COL5A1: variants seen among roughly 807,000 people sequenced by gnomAD.
COL5A1 encodes the protein collagen type V alpha 1 chain.
COL5A1 carries 16 observed loss-of-function variants against 263.7 expected under a neutral mutation model. The ratio of observed to expected loss-of-function variants is 0.06; its 90% CI spans 0.04 to 0.09. The LOEUF is 0.09. COL5A1 is among the 10% of genes least tolerant of loss of function. The pLI is 1.00. For missense variants in COL5A1, 2,036 were observed against 2,540.5 expected (o/e 0.80, Z 4.27); for synonymous variants, 1,012 against 1,004.5 (o/e 1.01, Z -0.14).
Position 134,758,059 on chromosome 9 carries a change from A to T in COL5A1, c.1882-184A>T, listed in dbSNP as rs1008688284. The stretch of plus-strand genomic sequence containing the variant: ...CCCATGTTCATGTTTGCAGGGGAAG[A>T]GGCTGAGATTGTAGATGCAAAGTGG... On this transcript the variant is annotated intron_variant, in intron 17 of 65. Coordinates refer to ENST00000371817, the MANE Select transcript of COL5A1 (RefSeq NM_000093.5). This position sits in a 1 kb window ranked among gnomAD's most constrained non-coding sequence, Gnocchi z 4.1. Among the ~76,000 whole-genome samples the T allele has an allele frequency of 1.3e-5, 2 of 152,274 alleles. No homozygotes were observed. The highest frequency in any genetic ancestry group is 6.8e-3 in the Middle Eastern group (2 of 294).
chr9:134,651,795 C>T (rs1458499364), intron 1 of COL5A1, among the ~76,000 whole-genome samples: 1 of 152,226 alleles, frequency 6.6e-6, no homozygotes, highest in Non-Finnish European at 1.5e-5. Context: ...CTCTGCCTTC[C>T]CACCACTGTG....
In COL5A1 at chr9:134,818,320, T is replaced by G. The variant is rs886691734; in HGVS notation, c.4231-336T>G. Among the ~76,000 whole-genome samples, 24 of 152,294 alleles carry G rather than the reference T, an allele frequency of 1.6e-4. No individual in the cohort carries two copies. The highest frequency in any genetic ancestry group is 6.8e-3 in the Middle Eastern group (2 of 294). On this transcript the variant is annotated intron_variant, in intron 54 of 65. Coordinates refer to ENST00000371817, the MANE Select transcript of COL5A1 (RefSeq NM_000093.5). This position sits in a 1 kb window ranked among gnomAD's most constrained non-coding sequence, Gnocchi z 6.0. ...TCAGTGAGGTGATGGCGGCCCGGCC[T>G]GGCACTGTCTGCCTCCCTCCTGGAG...
intron 18 of COL5A1, among the ~76,000 whole-genome samples, chr9:134,761,554 C>T (rs968545770): frequency 3.3e-5 from 5 of 152,244 alleles, no homozygotes; most frequent in African/African-American, 7.2e-5. Flanking sequence ...AGGCTGCAGG[C>T]AGGCGGGGCT....
intron 1 of COL5A1, among the ~76,000 whole-genome samples, chr9:134,673,374 T>G (rs957802685): frequency 6.6e-6 from 1 of 151,852 alleles, no homozygotes; most frequent in Non-Finnish European, 1.5e-5. Context: ...AATCTTTTGG[T>G]TTTCCATAAA....
chr9:134,764,262 C>T (rs370203277), intron 20 of COL5A1, among the ~76,000 whole-genome samples: 7 of 93,136 alleles, frequency 7.5e-5, no homozygotes, highest in South Asian at 3.9e-4. Flanking sequence ...ATAGGGGGTC[C>T]GAGGGCATTG....
In COL5A1 at chr9:134,818,977, G is replaced by C. The variant is rs945750775; in HGVS notation, c.4393-23G>C. ...CCAAAGCCCCAAGGATGAGGACTCTGATCCCCCTGCCTCCTCCCACAGGGT... is the reference window on the plus strand; with the variant it reads ...CCAAAGCCCCAAGGATGAGGACTCTCATCCCCCTGCCTCCTCCCACAGGGT... On this transcript the variant is annotated intron_variant, in intron 56 of 65. Transcript: ENST00000371817. This position sits in a 1 kb window ranked among gnomAD's most constrained non-coding sequence, Gnocchi z 6.0. 3 of 1,613,278 alleles carry C rather than the reference G, an allele frequency of 1.9e-6. No homozygotes were observed. Among genetic ancestry groups the C allele is most frequent in the Non-Finnish European group, 1.7e-6 (2 of 1,179,922 alleles).
intron 52 of COL5A1, among the ~76,000 whole-genome samples, chr9:134,816,667 C>T (rs960364410): frequency 2.6e-5 from 4 of 152,242 alleles, no homozygotes; most frequent in Admixed American, 6.5e-5. Flanking sequence ...CACCACTTCC[C>T]GGCCTGTGTC....
intron 27 of COL5A1, 117 bp from the exon 28 acceptor site, chr9:134,779,985 G>A: frequency 1.8e-6 from 2 of 1,130,462 alleles, no homozygotes; most frequent in South Asian, 1.2e-5. Flanking sequence ...TGAGGGCAGG[G>A]CGCTGGCCTC....
chr9:134,820,339 T>G (rs1364481614), intron 58 of COL5A1, 116 bp downstream of exon 58: 104 of 784,110 alleles, frequency 1.3e-4, no homozygotes, highest in Non-Finnish European at 2.0e-4. Flanking sequence ...CACACGTCGG[T>G]TGAGTCCGGT....
intron 1 of COL5A1, among the ~76,000 whole-genome samples, chr9:134,658,643 A>G (rs1832101807): frequency 6.6e-6 from 1 of 152,198 alleles, no homozygotes; most frequent in Non-Finnish European, 1.5e-5. Context: ...GCCTAAAGGC[A>G]TGTCGGGGGT....
intron 37 of COL5A1, among the ~76,000 whole-genome samples, chr9:134,801,457 G>A (rs1440098483): frequency 6.6e-6 from 1 of 152,254 alleles, no homozygotes; most frequent in African/African-American, 2.4e-5. Context: ...AGGCAGGAGA[G>A]CAGCCAGTGA....
intron 11 of COL5A1, 97 bp from the exon 12 acceptor site, chr9:134,750,445 C>T: frequency 9.0e-7 from 1 of 1,105,804 alleles, no homozygotes; most frequent in East Asian, 2.4e-5. Context: ...CAGTGCATTT[C>T]CCGGGTGGGC....
chr9:134,827,064 C>T (rs114890861), intron 63 of COL5A1, among the ~76,000 whole-genome samples: 51 of 152,328 alleles, frequency 3.3e-4, no homozygotes, highest in African/African-American at 1.2e-3. Flanking sequence ...CATGAGCTCG[C>T]AGTTGTCGCG....
chr9:134,714,870 GGTA>G (rs1169779400), intron 4 of COL5A1, among the ~76,000 whole-genome samples: 2 of 149,880 alleles, frequency 1.3e-5, no homozygotes, highest in East Asian at 3.9e-4. Context: ...TGGAGGTGAT[GGTA>G]GTGGTGGTGA....
intron 39 of COL5A1, among the ~76,000 whole-genome samples, chr9:134,804,088 A>G (rs1248040469): frequency 1.3e-5 from 2 of 152,204 alleles, no homozygotes; most frequent in African/African-American, 4.8e-5. Context: ...GGACCACAGA[A>G]GAGTAAACCT....
intron 1 of COL5A1, among the ~76,000 whole-genome samples, chr9:134,663,710 G>A (rs1337705517): frequency 6.6e-6 from 1 of 152,210 alleles, no homozygotes; most frequent in Non-Finnish European, 1.5e-5. Context: ...GATGGGGAAC[G>A]CCTAGACCAT....
Position 134,678,268 on chromosome 9 carries a change from A to G in COL5A1, c.110-12644A>G, listed in dbSNP as rs1322719783. Reference sequence around the variant, plus strand: ...TACCTCTCTCACGCTGAGTTTCCTCATGTACCAGTGAAGGGGCCGACACTG... The same window carrying G: ...TACCTCTCTCACGCTGAGTTTCCTCGTGTACCAGTGAAGGGGCCGACACTG... On this transcript the variant is annotated intron_variant, in intron 1 of 65. Transcript: ENST00000371817. The surrounding 1 kb of genome is among the most constrained non-coding windows in gnomAD (Gnocchi z 5.5). Among the ~76,000 whole-genome samples, 1 of 152,184 alleles carries G rather than the reference A, an allele frequency of 6.6e-6. No homozygotes were observed. Among genetic ancestry groups the G allele is most frequent in the Non-Finnish European group, 1.5e-5 (1 of 68,020 alleles).
intron 4 of COL5A1, chr9:134,709,127 G>A (rs1833945162): frequency 1.7e-5 from 6 of 363,484 alleles, no homozygotes; most frequent in Admixed American, 1.4e-4. Flanking sequence ...TGGGAGTTCC[G>A]ACCTGGACCC....
rs1835901361 is a variant in COL5A1, at chr9:134,754,424, C to T, written c.1827+98C>T. On this transcript the variant is annotated intron_variant, in intron 16 of 65. Coordinates refer to ENST00000371817, the MANE Select transcript of COL5A1 (RefSeq NM_000093.5). This position sits in a 1 kb window ranked among gnomAD's most constrained non-coding sequence, Gnocchi z 4.3. The stretch of plus-strand genomic sequence containing the variant: ...GCACCCCCAACAGCCAGCTGGGCCA[C>T]ATGAAGCCAGGTGGCTCCCCTTCTT... The T allele has an allele frequency of 1.4e-6, 2 of 1,389,834 alleles. No individual in the cohort carries two copies. The highest frequency in any genetic ancestry group is 2.0e-6 in the Non-Finnish European group (2 of 978,108). The allele number at this position is 1,389,834 out of a possible 1,614,324, so 86.1% of individuals were successfully genotyped here.
Sources: gnomAD v4.1 joint callset for allele counts (sites outside exome capture counted in the v4.1 genomes callset) on GRCh38, gnomAD v4.1.1 for gene constraint, Gnocchi (gnomAD v3.1) non-coding constraint, MANE v1.5 for transcripts, NCBI Gene and HGNC (gene_info 2026-07-23, HGNC 2026-07-21) for gene names.